The following DOCK1 variants were observed in gnomAD, a reference collection of about 807,000 sequenced individuals.
The protein encoded by DOCK1 is dedicator of cytokinesis protein 1.
In DOCK1, 138 loss-of-function variants were observed where a neutral mutation model predicts 262.7. The observed-to-expected ratio is 0.53, with a 90% CI of 0.46 to 0.61. The LOEUF is 0.61. Among genes scored for constraint, DOCK1 ranks in the 20% least tolerant of loss-of-function variants. The pLI is 0.00. For missense variants in DOCK1, 1,908 were observed against 2,370.7 expected, an observed-to-expected ratio of 0.80 and a Z score of 4.05; for synonymous variants, 866 against 867.4, an observed-to-expected ratio of 1.00 and a Z score of 0.03.
intron 32 of DOCK1, among the ~76,000 whole-genome samples, chr10:127,356,661 A>G (rs1429855203): frequency 1.3e-5 from 2 of 151,874 alleles, no homozygotes; most frequent in Non-Finnish European, 2.9e-5. Context: ...AATGGCATGG[A>G]GGGGGGCTGT....
intron 44 of DOCK1, among the ~76,000 whole-genome samples, 177 bp from the exon 45 acceptor site, chr10:127,418,188 T>C (rs1209131930): frequency 6.6e-6 from 1 of 150,618 alleles, no homozygotes; most frequent in East Asian, 1.9e-4. Flanking sequence ...CCTTTGGAAT[T>C]TTCATCTCTG....
intron 27 of DOCK1, among the ~76,000 whole-genome samples, chr10:127,205,353 T>C (rs2134271427): frequency 6.6e-6 from 1 of 152,372 alleles, no homozygotes; most frequent in East Asian, 1.9e-4. Flanking sequence ...GCTTCTGGCC[T>C]GCCTGGTTCA....
intron 46 of DOCK1, 117 bp from the exon 47 acceptor site, chr10:127,425,757 G>A: frequency 6.9e-7 from 1 of 1,445,094 alleles, no homozygotes; most frequent in South Asian, 1.3e-5. Context: ...TGAATCAGCT[G>A]GTTTGATTTG....
chr10:127,217,841 A>G (rs1010475969), intron 27 of DOCK1, among the ~76,000 whole-genome samples: 12 of 152,232 alleles, frequency 7.9e-5, no homozygotes, highest in Non-Finnish European at 1.2e-4. Flanking sequence ...TAAATCTTTA[A>G]TCCAACTCAA....
At chr10:127,177,935 G>A (rs564829071) in intron 27 of DOCK1, among the ~76,000 whole-genome samples, 1 of 152,316 alleles carries the variant, frequency 6.6e-6, no homozygotes, top group Non-Finnish European at 1.5e-5. Context: ...AATAAGCAGC[G>A]CAGGCAGGAG....
Position 127,316,675 on chromosome 10 carries a change from C to T in DOCK1, c.3045-22331C>T, listed in dbSNP as rs117998308. 7.2e-3 allele frequency among the ~76,000 whole-genome samples: 1,088 copies of T among 152,164 alleles called. 10 individuals carry two copies. The highest frequency in any genetic ancestry group is 0.01 in the Non-Finnish European group (685 of 68,014). ...GTATGACCCTTAACTCAAAAGGGCGCGGTTTACAGGCTAACTGAGGGTGGG... is the reference window on the plus strand; with the variant it reads ...GTATGACCCTTAACTCAAAAGGGCGTGGTTTACAGGCTAACTGAGGGTGGG... On this transcript the variant is annotated intron_variant, in intron 29 of 51. Coordinates refer to ENST00000623213, the MANE Select transcript of DOCK1 (RefSeq NM_001290223.2).
intron 1 of DOCK1, among the ~76,000 whole-genome samples, chr10:126,935,439 ATTGGAGGC>A (rs2034500716): frequency 2.6e-5 from 4 of 152,128 alleles, no homozygotes; most frequent in African/African-American, 9.7e-5. Flanking sequence ...GGAGATGCAG[ATTGGAGGC>A]TTGTTCTTTA....
At chr10:127,312,844 A>G (rs544134674) in intron 29 of DOCK1, among the ~76,000 whole-genome samples, 1 of 115,166 alleles carries the variant, frequency 8.7e-6, no homozygotes, top group African/African-American at 3.7e-5. Flanking sequence ...CCTCCCTTCC[A>G]CTGAACAACT....
chr10:126,988,259 G>C (rs2039553951), intron 5 of DOCK1: 1 of 152,120 alleles, frequency 6.6e-6, no homozygotes, highest in Admixed American at 6.6e-5. Flanking sequence ...ATTTGCAGTA[G>C]ATTACCTTTT....
intron 29 of DOCK1, among the ~76,000 whole-genome samples, chr10:127,332,171 C>A (rs1465718779): frequency 1.3e-5 from 2 of 152,204 alleles, no homozygotes; most frequent in African/African-American, 2.4e-5. Context: ...GCCCAGTAAT[C>A]TCGGCTCATG....
At chr10:127,339,730 T>C (rs568687415) in intron 30 of DOCK1, among the ~76,000 whole-genome samples, 1,368 of 79,206 alleles carry the variant, frequency 0.017, 24 homozygotes, top group African/African-American at 0.078. Context: ...TGTGTGTGTG[T>C]GTGTGCATGC....
intron 41 of DOCK1, 30 bp from the exon 42 acceptor site, chr10:127,409,283 C>T: frequency 1.9e-6 from 3 of 1,613,684 alleles, no homozygotes; most frequent in Non-Finnish European, 2.5e-6. Flanking sequence ...GTCTATGCTG[C>T]CTTAGTGATC....
At chr10:127,280,128 G>A (rs1271595051) in intron 29 of DOCK1, among the ~76,000 whole-genome samples, 2 of 148,740 alleles carry the variant, frequency 1.3e-5, no homozygotes, top group Non-Finnish European at 3.0e-5. Flanking sequence ...TCCGCCTCCC[G>A]GGTTCACGCC....
In DOCK1 at chr10:127,157,648, A is replaced by G. The variant is rs563186233; in HGVS notation, c.2847+29884A>G. On this transcript the variant is annotated intron_variant, in intron 27 of 51. Coordinates refer to ENST00000623213, the MANE Select transcript of DOCK1 (RefSeq NM_001290223.2). The stretch of plus-strand genomic sequence containing the variant: ...GAGTCATTGTGTTTTCTTTGGAGAC[A>G]TATCTGTGGTCATTCTTTTTTTAGC... 1.3e-5 allele frequency among the ~76,000 whole-genome samples: 2 copies of G among 152,328 alleles called. 1 individual carries two copies. Among genetic ancestry groups the G allele is most frequent in the African/African-American group, 4.8e-5 (2 of 41,586 alleles).
intron 13 of DOCK1, chr10:127,019,072 G>A (rs2042218611): frequency 3.7e-6 from 2 of 540,680 alleles, no homozygotes; most frequent in Admixed American, 3.7e-5. Flanking sequence ...TGCAAGGATT[G>A]TGTGAGGGGG....
intron 27 of DOCK1, among the ~76,000 whole-genome samples, chr10:127,222,766 A>C (rs1392948138): frequency 8.0e-6 from 1 of 124,928 alleles, no homozygotes; most frequent in Non-Finnish European, 1.8e-5. Context: ...CCTAGGCTAA[A>C]GTGATTCTCT....
intron 27 of DOCK1, among the ~76,000 whole-genome samples, chr10:127,236,500 GTTTTTTTTTTTTT>G (rs771387854): frequency 3.0e-5 from 2 of 66,786 alleles, no homozygotes; most frequent in African/African-American, 1.2e-4. Context: ...CTTGACACGG[GTTTTTTTTTTTTT>G]TTTTTTTTTT....
intron 19 of DOCK1, among the ~76,000 whole-genome samples, chr10:127,038,157 C>A (rs1412262821): frequency 6.6e-6 from 1 of 152,094 alleles, no homozygotes. Flanking sequence ...TGCTTGAACC[C>A]AGGAGGCGGA....
intron 13 of DOCK1, among the ~76,000 whole-genome samples, chr10:127,022,935 A>G (rs2042547764): frequency 6.6e-6 from 1 of 152,142 alleles, no homozygotes; most frequent in Non-Finnish European, 1.5e-5. Flanking sequence ...CTACCCTGAG[A>G]GGGGTAGAGT....
Sources: gnomAD v4.1 joint callset for allele counts (sites outside exome capture counted in the v4.1 genomes callset) on GRCh38, gnomAD v4.1.1 for gene constraint, MANE v1.5 for transcripts, NCBI Gene and HGNC (gene_info 2026-07-23, HGNC 2026-07-21) for gene names.